Variants in MAP3K13 observed in about 807,000 individuals in gnomAD.
MAP3K13 encodes leucine zipper-bearing kinase.
In MAP3K13, 52 loss-of-function variants were observed where a neutral mutation model predicts 104.0. The ratio of observed to expected loss-of-function variants is 0.50; its 90% CI spans 0.40 to 0.63. The LOEUF (loss-of-function observed/expected upper bound fraction) is 0.63, where lower values mean the gene tolerates loss of function less well. MAP3K13 is among the 20% of genes least tolerant of loss of function. The pLI is 0.00. For missense variants in MAP3K13, 914 were observed against 1,218.5 expected, an observed-to-expected ratio of 0.75 and a Z score of 3.72; for synonymous variants, 394 against 442.2, an observed-to-expected ratio of 0.89 and a Z score of 1.37.
intron 7 of MAP3K13, among the ~76,000 whole-genome samples, chr3:185,462,960 ACT>A (rs1322577149): frequency 1.3e-5 from 2 of 151,758 alleles, no homozygotes; most frequent in Non-Finnish European, 2.9e-5. Context: ...GCTTGGCCAT[ACT>A]CTCTCTTTCC....
chr3:185,411,126 A>G (rs1713418742), intron 1 of MAP3K13, among the ~76,000 whole-genome samples: 1 of 152,148 alleles, frequency 6.6e-6, no homozygotes. Flanking sequence ...GGCTTCTTCA[A>G]GTAGAGTTGT....
At chr3:185,441,356 A>G (rs1010355188) in intron 3 of MAP3K13, among the ~76,000 whole-genome samples, 1 of 152,178 alleles carries the variant, frequency 6.6e-6, no homozygotes, top group Non-Finnish European at 1.5e-5. Flanking sequence ...GTTGAGGTGA[A>G]GTTAACGAAC....
At chr3:185,470,858 T>C (rs1245487574) in intron 10 of MAP3K13, among the ~76,000 whole-genome samples, 2 of 152,208 alleles carry the variant, frequency 1.3e-5, no homozygotes, top group Non-Finnish European at 2.9e-5. Flanking sequence ...ATAAGCTCCA[T>C]CAAGGTTAAG....
intron 2 of MAP3K13, among the ~76,000 whole-genome samples, chr3:185,320,075 G>A (rs1207676152): frequency 3.6e-5 from 5 of 139,856 alleles, no homozygotes; most frequent in African/African-American, 1.3e-4. Flanking sequence ...TATTTGCTAT[G>A]TAAGTAACTT....
At chr3:185,407,015 A>T (rs1713153137) in intron 1 of MAP3K13, among the ~76,000 whole-genome samples, 1 of 152,178 alleles carries the variant, frequency 6.6e-6, no homozygotes, top group African/African-American at 2.4e-5. Context: ...AAAGATTAAA[A>T]TTTTATATTA....
At chr3:185,460,313 ATTTTT>A (rs1433170707) in intron 7 of MAP3K13, among the ~76,000 whole-genome samples, 2 of 151,930 alleles carry the variant, frequency 1.3e-5, no homozygotes, top group Non-Finnish European at 2.9e-5. Flanking sequence ...TTTTTATTTT[ATTTTT>A]TTATTTTTTG....
chr3:185,339,077 T>TG (rs1180786030), intron 2 of MAP3K13, among the ~76,000 whole-genome samples: 1 of 152,154 alleles, frequency 6.6e-6, no homozygotes, highest in Admixed American at 6.5e-5. Context: ...CCCAATACTT[T>TG]GGGAAGCTGA....
At chr3:185,350,367 A>G (rs1723094765) in intron 2 of MAP3K13, among the ~76,000 whole-genome samples, 1 of 152,078 alleles carries the variant, frequency 6.6e-6, no homozygotes, top group South Asian at 2.1e-4. Flanking sequence ...TCTTATTTTT[A>G]GTAGAGACTG....
rs761451198 is a variant in MAP3K13 at position 185,474,133 on chromosome 3, G to T, written c.2430+372G>T. 1.3e-4 allele frequency among the ~76,000 whole-genome samples: 20 copies of T among 152,206 alleles called. No individual in the cohort carries two copies. The East Asian group carries it at 1.5e-3, about 12-fold the overall frequency. On this transcript the variant is annotated intron_variant, in intron 11 of 13. Transcript: ENST00000265026. ...AGGTCAAGAGTTCGAGACCATCCTG[G>T]CCAACATGGTGAAACCCTGTCTCTA...
intron 1 of MAP3K13, among the ~76,000 whole-genome samples, chr3:185,284,263 T>C (rs1240975157): frequency 6.6e-6 from 1 of 152,214 alleles, no homozygotes; most frequent in Non-Finnish European, 1.5e-5. Context: ...TATTTTCCAT[T>C]ATAAAAATGA....
At chr3:185,323,746 A>G (rs1243155124) in intron 2 of MAP3K13, among the ~76,000 whole-genome samples, 2 of 152,140 alleles carry the variant, frequency 1.3e-5, no homozygotes, top group Non-Finnish European at 2.9e-5. Flanking sequence ...GCTGCAGTTA[A>G]TATTCACGTA....
intron 1 of MAP3K13, among the ~76,000 whole-genome samples, chr3:185,410,624 AT>A (rs1375215947): frequency 1.3e-5 from 2 of 152,152 alleles, no homozygotes; most frequent in Non-Finnish European, 1.5e-5. Context: ...TACAATTATT[AT>A]GTGTCAATTT....
chr3:185,424,696 T>C (rs1380305170), intron 1 of MAP3K13, among the ~76,000 whole-genome samples: 1 of 152,260 alleles, frequency 6.6e-6, no homozygotes, highest in Admixed American at 6.5e-5. Context: ...AGTATATTGC[T>C]GATTATGTAA....
intron 2 of MAP3K13, among the ~76,000 whole-genome samples, chr3:185,339,040 C>A (rs894003404): frequency 6.6e-6 from 1 of 152,090 alleles, no homozygotes; most frequent in African/African-American, 2.4e-5. Flanking sequence ...TATCTCTAGG[C>A]TGGGCGTGGT....
intron 2 of MAP3K13, among the ~76,000 whole-genome samples, chr3:185,348,779 T>G (rs1354546483): frequency 1.3e-5 from 2 of 152,058 alleles, no homozygotes; most frequent in Non-Finnish European, 2.9e-5. Flanking sequence ...TAGCTGGGCG[T>G]GGTGGCGGGC....
At chr3:185,375,870 G>C (rs1260894658) in intron 1 of MAP3K13, among the ~76,000 whole-genome samples, 2 of 152,142 alleles carry the variant, frequency 1.3e-5, no homozygotes, top group Non-Finnish European at 2.9e-5. Context: ...ACAGCATGGT[G>C]GTGCAGGATG....
chr3:185,330,979 G>A (rs960143509), intron 2 of MAP3K13, among the ~76,000 whole-genome samples: 2 of 151,906 alleles, frequency 1.3e-5, no homozygotes, highest in Admixed American at 6.6e-5. Context: ...GCCTTCATTC[G>A]GGTCTCTATT....
intron 1 of MAP3K13, among the ~76,000 whole-genome samples, chr3:185,404,532 G>C (rs909181295): frequency 1.3e-5 from 2 of 152,046 alleles, no homozygotes; most frequent in African/African-American, 4.8e-5. Context: ...CAGCTTCATG[G>C]GTATGTAACC....
intron 2 of MAP3K13, among the ~76,000 whole-genome samples, chr3:185,285,815 T>A (rs965440998): frequency 6.6e-6 from 1 of 152,222 alleles, no homozygotes; most frequent in Non-Finnish European, 1.5e-5. Context: ...GTTCTTATTT[T>A]CCTGTAAAGT....
Sources: allele counts gnomAD v4.1 joint callset (sites outside exome capture counted in the v4.1 genomes callset), GRCh38; gene constraint gnomAD v4.1.1; transcripts MANE v1.5; gene names NCBI Gene and HGNC (gene_info 2026-07-23, HGNC 2026-07-21).